TFDP1: variants seen among roughly 807,000 people sequenced by gnomAD.
TFDP1 encodes the protein DRTF1-polypeptide 1.
Under a neutral mutation model 48.0 loss-of-function variants are expected in TFDP1, and 6 were observed. That is an observed-to-expected ratio of 0.13 (90% CI 0.07 to 0.25). TFDP1 has a LOEUF of 0.25. TFDP1 is among the 10% of genes least tolerant of loss of function. The probability of loss-of-function intolerance (pLI) is 1.00; values close to 1 mark genes in which losing one functional copy is unlikely to be tolerated. For synonymous variants in TFDP1, 201 were observed against 211.6 expected, an observed-to-expected ratio of 0.95 and a Z score of 0.44; for missense variants, 335 against 543.0, an observed-to-expected ratio of 0.62 and a Z score of 3.81.
At chr13:113,585,874 A>G in intron 2 of TFDP1, 25 bp downstream of exon 2, 1 of 1,597,094 alleles carries the variant, frequency 6.3e-7, no homozygotes. Context: ...TTCATGCTGC[A>G]CACGAATGTT....
At chr13:113,590,446 G>A (rs2048112060) in intron 2 of TFDP1, among the ~76,000 whole-genome samples, 1 of 152,208 alleles carries the variant, frequency 6.6e-6, no homozygotes, top group East Asian at 1.9e-4. Flanking sequence ...AGGTGAACCT[G>A]ATGCAGCAAC....
Position 113,627,409 on chromosome 13 carries a change from T to C in TFDP1, c.186+4123T>C, listed in dbSNP as rs1282161920. Among the ~76,000 whole-genome samples, 4 of 152,182 alleles carry C rather than the reference T, an allele frequency of 2.6e-5. No individual in the cohort carries two copies. Among genetic ancestry groups the C allele is most frequent in the Non-Finnish European group, 5.9e-5 (4 of 68,034 alleles). On this transcript the variant is annotated intron_variant, in intron 4 of 11. Transcript: ENST00000375370. The surrounding 1 kb of genome is among the most constrained non-coding windows in gnomAD (Gnocchi z 4.1). ...AGAAGCAGCCCCCCACCCAGGCCTGTGTCCCAGAAGTCGGCATCTGTGGTC... is the reference window on the plus strand; with the variant it reads ...AGAAGCAGCCCCCCACCCAGGCCTGCGTCCCAGAAGTCGGCATCTGTGGTC...
chr13:113,621,205 G>A lies in TFDP1; in HGVS notation c.80-1975G>A, dbSNP rs776199530. On this transcript the variant is annotated intron_variant, in intron 3 of 11. Transcript: ENST00000375370. ...GAGGTCCAGGGTCCTGCAGCTCTGC[G>A]GATGGGCGGCCGTCCGGGGAGGCCC... 5.3e-5 allele frequency among the ~76,000 whole-genome samples: 8 copies of A among 152,358 alleles called. No homozygotes were observed. In the South Asian group the frequency reaches 6.2e-4, roughly 12 times the overall value.
At chr13:113,597,093 G>A (rs546490640) in intron 2 of TFDP1, among the ~76,000 whole-genome samples, 6 of 152,262 alleles carry the variant, frequency 3.9e-5, no homozygotes, top group African/African-American at 9.6e-5. Context: ...TTGCCGCTCC[G>A]TTCTGACCCC....
At chr13:113,614,362 G>A (rs1205978378) in intron 3 of TFDP1, among the ~76,000 whole-genome samples, 2 of 152,160 alleles carry the variant, frequency 1.3e-5, no homozygotes, top group Non-Finnish European at 2.9e-5. Context: ...GAGTGGGGTG[G>A]TCCAGGCAGG....
intron 2 of TFDP1, among the ~76,000 whole-genome samples, chr13:113,606,038 G>A (rs1408323499): frequency 7.1e-6 from 1 of 141,624 alleles, no homozygotes; most frequent in African/African-American, 2.7e-5. Context: ...GCGGTGATGA[G>A]TGTCCGCAGG....
chr13:113,619,657 C>T (rs572453287), intron 3 of TFDP1, among the ~76,000 whole-genome samples: 2 of 152,176 alleles, frequency 1.3e-5, no homozygotes, highest in South Asian at 4.2e-4. Context: ...TCTCCAGGCC[C>T]TTCTGAAGTG....
chr13:113,606,485 A>G (rs942701629), intron 2 of TFDP1, among the ~76,000 whole-genome samples: 22 of 152,108 alleles, frequency 1.4e-4, no homozygotes, highest in African/African-American at 5.3e-4. Flanking sequence ...ATCAGGGCAC[A>G]TACTCCATCC....
intron 2 of TFDP1, among the ~76,000 whole-genome samples, chr13:113,609,457 A>G (rs2048653230): frequency 6.6e-6 from 1 of 151,908 alleles, no homozygotes; most frequent in Non-Finnish European, 1.5e-5. Context: ...TTAGCGTCCT[A>G]GGATGTGAAC....
At chr13:113,638,893 A>C (rs572543682) in intron 11 of TFDP1, among the ~76,000 whole-genome samples, 106 of 152,356 alleles carry the variant, frequency 7.0e-4, no homozygotes, top group African/African-American at 2.5e-3. Flanking sequence ...ACAAGAACTC[A>C]GTAACCTATG....
chr13:113,586,470 C>G (rs536363397), intron 2 of TFDP1, among the ~76,000 whole-genome samples: 1 of 152,176 alleles, frequency 6.6e-6, no homozygotes, highest in Non-Finnish European at 1.5e-5. Flanking sequence ...GAAATTTAGT[C>G]TATTTTATTG....
chr13:113,618,384 T>C lies in TFDP1; in HGVS notation c.80-4796T>C, dbSNP rs566640407. Among the ~76,000 whole-genome samples, 7 of 152,248 alleles carry C rather than the reference T, an allele frequency of 4.6e-5. No individual in the cohort carries two copies. In the South Asian group the frequency reaches 1.5e-3, roughly 32 times the overall value. On this transcript the variant is annotated intron_variant, in intron 3 of 11. Transcript: ENST00000375370. ...AAAAAATACAAAAATTAGCCGGGTATGGTTGTGCGAGCCTGTAGTACCAGC... is the reference window on the plus strand; with the variant it reads ...AAAAAATACAAAAATTAGCCGGGTACGGTTGTGCGAGCCTGTAGTACCAGC...
chr13:113,591,009 CA>C (rs71101595), intron 2 of TFDP1, among the ~76,000 whole-genome samples: 1,704 of 59,794 alleles, frequency 0.028, 7 homozygotes, highest in Middle Eastern at 0.038. Context: ...GACTCTGTCT[CA>C]AAAAAAAAAA....
intron 7 of TFDP1, chr13:113,634,282 T>C: frequency 1.5e-6 from 1 of 647,484 alleles, no homozygotes; most frequent in South Asian, 1.9e-5. Flanking sequence ...GTTTGTGGGA[T>C]TTTTGTTTTC....
chr13:113,639,977 A>G, intron 11 of TFDP1, 143 bp from the exon 12 acceptor site: 1 of 632,138 alleles, frequency 1.6e-6, no homozygotes, highest in Non-Finnish European at 2.7e-6. Flanking sequence ...TAGTGCAGAC[A>G]CTCAGCCTCC....
At chr13:113,625,937 T>C (rs1200984063) in intron 4 of TFDP1, among the ~76,000 whole-genome samples, 6 of 121,978 alleles carry the variant, frequency 4.9e-5, no homozygotes, top group East Asian at 3.2e-4. Context: ...CTCAGGTGTT[T>C]CTCAGGCGTC....
chr13:113,612,097 G>T (rs4150739), intron 3 of TFDP1, among the ~76,000 whole-genome samples: 7 of 152,212 alleles, frequency 4.6e-5, no homozygotes, highest in African/African-American at 1.4e-4. Flanking sequence ...GCTCTGGGGC[G>T]TGGGAGTGTG....
chr13:113,597,839 C>T (rs1209042064), intron 2 of TFDP1, among the ~76,000 whole-genome samples: 3 of 152,188 alleles, frequency 2.0e-5, no homozygotes, highest in Non-Finnish European at 4.4e-5. Context: ...ACGCTGGGGA[C>T]TCTGCGGCCT....
chr13:113,628,195 A>G (rs998689108), intron 4 of TFDP1, among the ~76,000 whole-genome samples: 2 of 145,044 alleles, frequency 1.4e-5, no homozygotes, highest in Admixed American at 6.8e-5. Context: ...ACTGTGTCTG[A>G]AGCCGTGTAA....
Sources: allele counts gnomAD v4.1 joint callset (sites outside exome capture counted in the v4.1 genomes callset), GRCh38; gene constraint gnomAD v4.1.1; non-coding constraint Gnocchi (gnomAD v3.1); transcripts MANE v1.5; gene names NCBI Gene and HGNC (gene_info 2026-07-23, HGNC 2026-07-21).